Variants in CD55 observed in about 807,000 individuals in gnomAD.
CD55 encodes the protein complement decay-accelerating factor.
A neutral mutation model predicts 45.8 loss-of-function variants in CD55; 41 were observed. The ratio of observed to expected loss-of-function variants is 0.90; its 90% confidence interval spans 0.70 to 1.16. The LOEUF is 1.16. Among genes scored for constraint, CD55 ranks in the 50% most tolerant of loss-of-function variants. The pLI is 0.00. For synonymous variants in CD55, 181 were observed against 181.1 expected, an observed-to-expected ratio of 1.00 and a Z score of 0.01; for missense variants, 416 against 469.8, an observed-to-expected ratio of 0.89 and a Z score of 1.06.
chr1:207,331,474 T>TAC (rs5780384), intron 6 of CD55, among the ~76,000 whole-genome samples, 178 bp downstream of exon 6: 7,129 of 151,522 alleles, frequency 0.047, 563 homozygotes, highest in African/African-American at 0.16. Context: ...ATGGCTTGTA[T>TAC]ACACACACAC....
At chr1:207,327,570 G>A (rs976639710) in intron 5 of CD55, among the ~76,000 whole-genome samples, 3 of 152,154 alleles carry the variant, frequency 2.0e-5, no homozygotes, top group African/African-American at 7.2e-5. Context: ...TTAAAATGTA[G>A]GCTTGCTTTC....
At chr1:207,352,337 C>T (rs567839986) in intron 9 of CD55, among the ~76,000 whole-genome samples, 1 of 152,068 alleles carries the variant, frequency 6.6e-6, no homozygotes, top group South Asian at 2.1e-4. Flanking sequence ...CACACATATA[C>T]TGTAAATCAG....
Position 207,321,738 on chromosome 1 carries a change from G to A in CD55, c.-28G>A. 6.8e-7 allele frequency: 1 copy of A among 1,475,852 alleles called. No individual in the cohort carries two copies. The highest frequency in any genetic ancestry group is 9.0e-7 in the Non-Finnish European group (1 of 1,116,836). The allele number at this position is 1,475,852 out of a possible 1,614,324, so 91.4% of individuals were successfully genotyped here. On this transcript the variant is annotated 5_prime_UTR_variant, in exon 1 of 10. Transcript: ENST00000367064. ...GCTGCGACTCGGCGGAGTCCCGGCG[G>A]CGCGTCCTTGTTCTAACCCGGCGCG...
intron 9 of CD55, among the ~76,000 whole-genome samples, chr1:207,340,954 T>G (rs2102415711): frequency 6.6e-6 from 1 of 152,286 alleles, no homozygotes; most frequent in East Asian, 1.9e-4. Context: ...CTCACCAGCG[T>G]CTGTTATTTT....
In CD55 at chr1:207,339,413, A is replaced by T; in HGVS notation, c.1077A>T (p.Leu359=). Residue 359 remains leucine (L), a synonymous_variant, in exon 9 of 10, where the codon CTA becomes CTT. Coordinates refer to ENST00000367064, the MANE Select transcript of CD55 (RefSeq NM_000574.5). ...CGTCTGTAGGTACTACCCGTCTTCT[A>T]TCTGGTAAGTTTGGCTCTCAGGCCA... ...SGTTSGTTRL[L]SGHTCFTLTG... 3 of 1,607,238 alleles carry T rather than the reference A, an allele frequency of 1.9e-6. No individual in the cohort carries two copies. The highest frequency in any genetic ancestry group is 2.5e-6 in the Non-Finnish European group (3 of 1,177,174).
At position 207,337,363 on chromosome 1, in the gene CD55, G is replaced by A. The variant is rs550337244; in HGVS notation, c.1014G>A (p.Lys338=). ...TRSTPVSRTT[K]HFHETTPNKG... Reference sequence around the variant, plus strand: ...GTACACCTGTTTCCAGGACAACCAAGCATTTTCATGAAACAACCCCAAATA... The same window carrying A: ...GTACACCTGTTTCCAGGACAACCAAACATTTTCATGAAACAACCCCAAATA... The change falls in exon 8 of 10, where the codon AAG becomes AAA. Residue 338 remains lysine (K), a synonymous_variant. Coordinates refer to ENST00000367064, the MANE Select transcript of CD55 (RefSeq NM_000574.5). 33 of 1,611,942 alleles carry A rather than the reference G, an allele frequency of 2.0e-5. No individual in the cohort carries two copies. The South Asian group carries it at 2.3e-4, about 11-fold the overall frequency.
In CD55 at chr1:207,324,539, G is replaced by T. The variant is rs1434833339; in HGVS notation, c.287-20G>T. 1.3e-6 allele frequency: 2 copies of T among 1,509,880 alleles called. No individual in the cohort carries two copies. The highest frequency in any genetic ancestry group is 2.3e-5 in the Admixed American group (1 of 44,096). The allele number at this position is 1,509,880 out of a possible 1,614,324, so 93.5% of individuals were successfully genotyped here. On this transcript the variant is annotated intron_variant, in intron 2 of 9. Coordinates refer to ENST00000367064, the MANE Select transcript of CD55 (RefSeq NM_000574.5). ...AATTGATACTACATTTTTTGTTGCT[G>T]CTTTTGTTAATACTTTTAGGTAGCT...
intron 8 of CD55, among the ~76,000 whole-genome samples, chr1:207,338,418 T>C: frequency 6.6e-6 from 1 of 152,274 alleles, no homozygotes; most frequent in East Asian, 1.9e-4. Context: ...ACACGTCCAG[T>C]TTTTAATAGG....
Position 207,337,400 on chromosome 1 carries a change from A to G in CD55, c.1051A>G (p.Thr351Ala). ...AACAACCCCAAATAAAGGAAGTGGAACCACTTCAGGTCAGTTGACACTGTT... is the reference window on the plus strand; with the variant it reads ...AACAACCCCAAATAAAGGAAGTGGAGCCACTTCAGGTCAGTTGACACTGTT... ...HETTPNKGSG[T>A]TSGTTRLLSG... The change falls in exon 8 of 10, where the codon ACC becomes GCC. Residue 351 changes from threonine (T) to alanine (A), a missense_variant. Physicochemically the swap from Thr to Ala is moderately conservative, Grantham distance 58. Coordinates refer to ENST00000367064, the MANE Select transcript of CD55 (RefSeq NM_000574.5). 1 of 1,583,836 alleles carries G rather than the reference A, an allele frequency of 6.3e-7. No individual in the cohort carries two copies. Among genetic ancestry groups the G allele is most frequent in the Non-Finnish European group, 8.7e-7 (1 of 1,152,418 alleles).
chr1:207,359,069 T>G (rs976808586), intron 9 of CD55, among the ~76,000 whole-genome samples: 6 of 152,170 alleles, frequency 3.9e-5, no homozygotes, highest in Non-Finnish European at 8.8e-5. Context: ...CTTTTATAGG[T>G]CATGTTTATA....
In CD55 at chr1:207,328,260, G is replaced by A. The variant is rs573782121; in HGVS notation, c.664+1423G>A. 4.7e-4 allele frequency among the ~76,000 whole-genome samples: 71 copies of A among 152,260 alleles called. 1 individual carries two copies. In the South Asian group the frequency reaches 0.012, roughly 26 times the overall value. On this transcript the variant is annotated intron_variant, in intron 5 of 9. Coordinates refer to ENST00000367064, the MANE Select transcript of CD55 (RefSeq NM_000574.5). The stretch of plus-strand genomic sequence containing the variant: ...TGTGACTCAGCAACCACTGACATCT[G>A]CATCCTGTAGGAAAGAGCCCCTGTT...
chr1:207,330,255 A>G (rs541719060), intron 5 of CD55, among the ~76,000 whole-genome samples: 2 of 151,984 alleles, frequency 1.3e-5, no homozygotes, highest in Admixed American at 6.6e-5. Context: ...AAATGTGCTA[A>G]GTATTTTCTG....
intron 9 of CD55, chr1:207,354,009 C>T: frequency 6.5e-7 from 1 of 1,534,538 alleles, no homozygotes; most frequent in Non-Finnish European, 8.7e-7. Flanking sequence ...TTTGTTAGCT[C>T]TGCAAGTTAG....
intron 3 of CD55, 22 bp downstream of exon 3, chr1:207,324,772 A>G (rs1654596956): frequency 6.7e-7 from 1 of 1,493,526 alleles, no homozygotes; most frequent in Non-Finnish European, 9.3e-7. Context: ...TTTTTAAAGT[A>G]TTTTCAACCA....
At chr1:207,340,332 T>C in intron 9 of CD55, 1 of 441,122 alleles carries the variant, frequency 2.3e-6, no homozygotes, top group Non-Finnish European at 4.0e-6. Context: ...TCATTCTATA[T>C]ATGCTAGATT....
Position 207,336,814 on chromosome 1 carries a change from T to G in CD55, c.975T>G (p.Ala325=). The change falls in exon 7 of 10, where the codon GCT becomes GCG. Residue 325 remains alanine (A), a synonymous_variant. Coordinates refer to ENST00000367064, the MANE Select transcript of CD55 (RefSeq NM_000574.5). ...KTTTKTTTPN[A]QATRSTPVSR... is the part of the protein sequence containing the mutation. ...CCACAAAAACCACCACACCAAATGC[T>G]CAAGGTACAGAGACTCCATCAGTTC... The G allele has an allele frequency of 6.2e-7, 1 of 1,613,494 alleles. No homozygotes were observed. The highest frequency in any genetic ancestry group is 1.1e-5 in the South Asian group (1 of 91,072).
chr1:207,328,647 A>G (rs1449456284), intron 5 of CD55, among the ~76,000 whole-genome samples: 1 of 152,162 alleles, frequency 6.6e-6, no homozygotes, highest in Non-Finnish European at 1.5e-5. Flanking sequence ...ATTTTAGTTG[A>G]CTGATGGTAT....
intron 6 of CD55, 59 bp downstream of exon 6, chr1:207,331,355 G>T: frequency 7.5e-7 from 1 of 1,339,734 alleles, no homozygotes; most frequent in South Asian, 1.3e-5. Context: ...CTATATGTGG[G>T]TTGCAGACAT....
intron 6 of CD55, among the ~76,000 whole-genome samples, chr1:207,333,170 A>C (rs904277131): frequency 1.3e-5 from 2 of 152,244 alleles, no homozygotes; most frequent in Admixed American, 1.3e-4. Flanking sequence ...GCATATACCC[A>C]CCAGAGGAAC....
Sources: allele counts gnomAD v4.1 joint callset (sites outside exome capture counted in the v4.1 genomes callset), GRCh38; gene constraint gnomAD v4.1.1; transcripts MANE v1.5; gene names NCBI Gene and HGNC (gene_info 2026-07-23, HGNC 2026-07-21).